Variants in FRMD5 observed in about 807,000 individuals in gnomAD.
The protein encoded by FRMD5 is FERM domain-containing protein 5.
In FRMD5, 20 loss-of-function variants were observed where a neutral mutation model predicts 69.0. The ratio of observed to expected loss-of-function variants is 0.29; its 90% CI spans 0.20 to 0.42. The LOEUF is 0.42. Among genes scored for constraint, FRMD5 ranks in the 10% least tolerant of loss-of-function variants. The pLI, the probability that FRMD5 is intolerant of heterozygous loss-of-function variation, is 1.00. For missense variants in FRMD5, 595 were observed against 708.6 expected (o/e 0.84, Z 1.82); for synonymous variants, 271 against 260.1 (o/e 1.04, Z -0.40).
chr15:44,143,715 G>A (rs2077308526), intron 1 of FRMD5, among the ~76,000 whole-genome samples: 1 of 151,258 alleles, frequency 6.6e-6, no homozygotes, highest in Non-Finnish European at 1.5e-5. Flanking sequence ...CACGAGGCCA[G>A]GAGATTGAGA....
At chr15:44,065,214 A>C (rs558782905) in intron 1 of FRMD5, among the ~76,000 whole-genome samples, 1 of 152,328 alleles carries the variant, frequency 6.6e-6, no homozygotes, top group Non-Finnish European at 1.5e-5. Context: ...ACCCCTTAGT[A>C]AGCACTCAAT....
chr15:43,878,029 G>A (rs1239631433), intron 13 of FRMD5, among the ~76,000 whole-genome samples: 1 of 152,112 alleles, frequency 6.6e-6, no homozygotes. Flanking sequence ...TTTTGAGACA[G>A]TCTTACTCCA....
intron 1 of FRMD5, among the ~76,000 whole-genome samples, chr15:44,169,007 T>C (rs1595549521): frequency 6.6e-6 from 1 of 152,242 alleles, no homozygotes; most frequent in South Asian, 2.1e-4. Flanking sequence ...GGTTGCTCTA[T>C]TTATTCTCTC....
At chr15:44,179,785 G>A (rs2077963864) in intron 1 of FRMD5, among the ~76,000 whole-genome samples, 4 of 152,166 alleles carry the variant, frequency 2.6e-5, no homozygotes, top group Admixed American at 2.6e-4. Context: ...TGCAATTTTA[G>A]AGATTAAGTT....
chr15:44,153,182 C>A (rs547588330), intron 1 of FRMD5, among the ~76,000 whole-genome samples: 4 of 152,174 alleles, frequency 2.6e-5, no homozygotes, highest in African/African-American at 9.6e-5. Flanking sequence ...AATATAATTA[C>A]CATATGGTCC....
At chr15:43,938,174 T>C (rs1294494360) in intron 1 of FRMD5, among the ~76,000 whole-genome samples, 3 of 136,454 alleles carry the variant, frequency 2.2e-5, no homozygotes, top group Non-Finnish European at 4.5e-5. Context: ...GAGCTTGCAG[T>C]GAGCCGAGAT....
chr15:44,121,664 A>G (rs2076953433), intron 1 of FRMD5, among the ~76,000 whole-genome samples: 1 of 151,954 alleles, frequency 6.6e-6, no homozygotes, highest in South Asian at 2.1e-4. Flanking sequence ...AAAAAAAACA[A>G]AAACAAAAAC....
intron 1 of FRMD5, among the ~76,000 whole-genome samples, chr15:44,079,753 C>A (rs984704997): frequency 6.6e-6 from 1 of 151,722 alleles, no homozygotes; most frequent in Non-Finnish European, 1.5e-5. Flanking sequence ...GGTATATACA[C>A]AAAATGGAAT....
intron 1 of FRMD5, among the ~76,000 whole-genome samples, chr15:43,965,576 CTTTTT>C (rs35986581): frequency 1.8e-5 from 2 of 110,406 alleles, no homozygotes; most frequent in Non-Finnish European, 3.8e-5. Flanking sequence ...TTTAAAAAGT[CTTTTT>C]TTTTTTTTTT....
At chr15:43,986,577 AG>A (rs981914011) in intron 1 of FRMD5, among the ~76,000 whole-genome samples, 12 of 152,344 alleles carry the variant, frequency 7.9e-5, no homozygotes, top group African/African-American at 2.9e-4. Context: ...TGACACTGAA[AG>A]CACAAAGTGT....
intron 1 of FRMD5, among the ~76,000 whole-genome samples, chr15:44,141,815 C>T (rs897484117): frequency 1.3e-5 from 2 of 152,160 alleles, no homozygotes; most frequent in African/African-American, 4.8e-5. Context: ...ACCAGCTTTA[C>T]TTATTCACTA....
chr15:43,963,923 G>A (rs1035458515), intron 1 of FRMD5, among the ~76,000 whole-genome samples: 2 of 152,054 alleles, frequency 1.3e-5, no homozygotes, highest in African/African-American at 4.8e-5. Flanking sequence ...AGGGGAGGGC[G>A]GAGGGATAGC....
In FRMD5 at chr15:43,910,086, C is replaced by A. The variant is rs1315462485; in HGVS notation, c.330-107G>T. The A allele has an allele frequency of 1.9e-5, 11 of 577,926 alleles. No homozygotes were observed. The East Asian group carries it at 3.2e-4, about 17-fold the overall frequency. The allele number at this position is 577,926 out of a possible 1,614,324, so 35.8% of individuals were successfully genotyped here. A position where few individuals can be genotyped will look rare whatever the true frequency, so the allele number is the denominator to read the frequency against. On this transcript the variant is annotated intron_variant, in intron 4 of 13. Transcript: ENST00000417257. ...AATCTTTGTCAGGATACTTTTACTA[C>A]ATTAAAAAAAAATCCTAAAACATAA...
intron 1 of FRMD5, among the ~76,000 whole-genome samples, chr15:43,966,752 T>C (rs1188299658): frequency 1.3e-5 from 2 of 152,182 alleles, no homozygotes; most frequent in South Asian, 2.1e-4. Flanking sequence ...AAAGGCAGGT[T>C]AGAGACCAAG....
upstream of FRMD5, among the ~76,000 whole-genome samples, chr15:44,198,972 G>A (rs927823310): frequency 1.3e-5 from 2 of 152,096 alleles, no homozygotes; most frequent in Non-Finnish European, 2.9e-5. Context: ...TCTCTACTAT[G>A]AGGGAGTCCC....
rs186827833 is a variant in FRMD5 at position 43,975,242 on chromosome 15, A to T, written c.103-50933T>A. Among the ~76,000 whole-genome samples, 159 of 152,368 alleles carry T rather than the reference A, an allele frequency of 1.0e-3. 1 individual carries two copies. The highest frequency in any genetic ancestry group is 2.9e-5 in the Non-Finnish European group (2 of 68,034). Reference sequence around the variant, plus strand: ...CCAGAGCTTCCTATTGGCAGAAAGTAGGAGAGATAAAACTAACAAGGAATG... The same window carrying T: ...CCAGAGCTTCCTATTGGCAGAAAGTTGGAGAGATAAAACTAACAAGGAATG... On this transcript the variant is annotated intron_variant, in intron 1 of 13. Transcript: ENST00000417257.
At chr15:44,068,852 C>T (rs1893416911) in intron 1 of FRMD5, among the ~76,000 whole-genome samples, 1 of 152,122 alleles carries the variant, frequency 6.6e-6, no homozygotes. Context: ...GGCTACAACA[C>T]ATCATAGAAG....
intron 1 of FRMD5, among the ~76,000 whole-genome samples, chr15:43,955,805 C>T (rs1410301077): frequency 1.3e-5 from 2 of 151,848 alleles, no homozygotes; most frequent in Non-Finnish European, 2.9e-5. Flanking sequence ...AAGGCACCCA[C>T]TTCAGAGATT....
At chr15:44,035,849 A>T (rs1471303958) in intron 1 of FRMD5, among the ~76,000 whole-genome samples, 1 of 152,182 alleles carries the variant, frequency 6.6e-6, no homozygotes, top group Non-Finnish European at 1.5e-5. Flanking sequence ...TGAGGCATTT[A>T]AGAAGGTGAC....
Sources: gnomAD v4.1 joint callset for allele counts (sites outside exome capture counted in the v4.1 genomes callset) on GRCh38, gnomAD v4.1.1 for gene constraint, MANE v1.5 for transcripts, NCBI Gene and HGNC (gene_info 2026-07-23, HGNC 2026-07-21) for gene names.